CCDC7: variants seen among roughly 807,000 people sequenced by gnomAD.
The protein encoded by CCDC7 is coiled-coil domain containing 7, also known as coiled-coil domain-containing protein 7.
In CCDC7, 183 loss-of-function variants were observed where a neutral mutation model predicts 196.9. That is an observed-to-expected ratio of 0.93 (90% CI 0.82 to 1.05). CCDC7 has a LOEUF of 1.05. CCDC7 is among the 50% of genes least tolerant of loss of function. The pLI is 0.00. For missense variants in CCDC7, 1,540 were observed against 1,482.2 expected, an observed-to-expected ratio of 1.04 and a Z score of -0.64; for synonymous variants, 525 against 484.6, an observed-to-expected ratio of 1.08 and a Z score of -1.10.
chr10:32,450,650 C>G (rs531634714), upstream of CCDC7, among the ~76,000 whole-genome samples: 1 of 152,088 alleles, frequency 6.6e-6, no homozygotes, highest in Non-Finnish European at 1.5e-5. Flanking sequence ...AATAAAAGCC[C>G]AAGACCTATC....
chr10:32,668,697 A>G (rs1029270683), intron 21 of CCDC7, among the ~76,000 whole-genome samples: 1 of 152,120 alleles, frequency 6.6e-6, no homozygotes, highest in Non-Finnish European at 1.5e-5. Flanking sequence ...ATGTTGAACC[A>G]GCCTTGCATC....
chr10:32,805,027 A>G (rs1020139855), exon 30 of CCDC7: 3 of 1,609,694 alleles, frequency 1.9e-6, no homozygotes, highest in Non-Finnish European at 2.6e-6. Context: ...ACTGATATAG[A>G]AAGCTTGAGA....
chr10:32,514,305 A>G (rs2046696542), intron 9 of CCDC7: 1 of 152,250 alleles, frequency 6.6e-6, no homozygotes, highest in Admixed American at 6.5e-5. Context: ...AGATGAGGTC[A>G]TACTGGAGTA....
chr10:32,798,463 G>A (rs561443152), intron 29 of CCDC7, among the ~76,000 whole-genome samples: 1 of 152,178 alleles, frequency 6.6e-6, no homozygotes, highest in Non-Finnish European at 1.5e-5. Flanking sequence ...CACAGAACGG[G>A]TCATCCTCTC....
At chr10:32,614,048 T>C (rs1180230055) in intron 18 of CCDC7, among the ~76,000 whole-genome samples, 3 of 152,206 alleles carry the variant, frequency 2.0e-5, no homozygotes, top group Admixed American at 6.5e-5. Context: ...TCTAAGTCTC[T>C]TTGTAGGCCT....
At chr10:32,481,047 ATT>A (rs1416621044) in intron 8 of CCDC7, among the ~76,000 whole-genome samples, 1 of 151,988 alleles carries the variant, frequency 6.6e-6, no homozygotes, top group African/African-American at 2.4e-5. Flanking sequence ...GTGTGTATAT[ATT>A]TGTTATATTC....
intron 18 of CCDC7, among the ~76,000 whole-genome samples, chr10:32,608,880 G>T (rs1272607181): frequency 7.2e-5 from 11 of 152,106 alleles, no homozygotes. Context: ...TGATCCAGTG[G>T]TTGTTCAGGA....
intron 24 of CCDC7, among the ~76,000 whole-genome samples, chr10:32,695,895 C>T (rs890107094): frequency 9.9e-5 from 15 of 152,118 alleles, no homozygotes; most frequent in South Asian, 2.1e-4. Context: ...GACAGAACTA[C>T]GGCATGAGCC....
At chr10:32,636,219 C>T (rs2065610135) in intron 20 of CCDC7, among the ~76,000 whole-genome samples, 1 of 151,704 alleles carries the variant, frequency 6.6e-6, no homozygotes, top group Non-Finnish European at 1.5e-5. Context: ...TCATTTAGTT[C>T]TTTTTTTTAT....
chr10:32,678,057 G>A (rs2075304478), intron 21 of CCDC7, among the ~76,000 whole-genome samples: 1 of 151,742 alleles, frequency 6.6e-6, no homozygotes, highest in Non-Finnish European at 1.5e-5. Flanking sequence ...CTTTCTGTTG[G>A]TTTACATTTT....
chr10:32,611,864 G>A (rs187679011), intron 18 of CCDC7, among the ~76,000 whole-genome samples: 6 of 152,270 alleles, frequency 3.9e-5, no homozygotes, highest in African/African-American at 1.2e-4. Flanking sequence ...GATGCCTCTA[G>A]CTCTGATCTT....
intron 18 of CCDC7, among the ~76,000 whole-genome samples, chr10:32,630,351 T>C (rs895308063): frequency 2.0e-5 from 3 of 152,092 alleles, no homozygotes; most frequent in African/African-American, 7.2e-5. Context: ...TATATGCATA[T>C]ATATGTATGT....
intron 40 of CCDC7, among the ~76,000 whole-genome samples, chr10:32,852,710 A>G (rs1434482386): frequency 3.3e-5 from 5 of 152,318 alleles, no homozygotes; most frequent in African/African-American, 1.2e-4. Context: ...TAAAAAATCA[A>G]TAGGAAATGC....
At chr10:32,727,690 C>T (rs1289790302) in intron 26 of CCDC7, among the ~76,000 whole-genome samples, 1 of 152,032 alleles carries the variant, frequency 6.6e-6, no homozygotes, top group African/African-American at 2.4e-5. Flanking sequence ...TGCTTTTGTA[C>T]CAACCTAATA....
chr10:32,727,629 T>C (rs551596478), intron 26 of CCDC7, among the ~76,000 whole-genome samples: 1 of 152,218 alleles, frequency 6.6e-6, no homozygotes, highest in Non-Finnish European at 1.5e-5. Context: ...GGGCGCTTGA[T>C]TGCCATTTTA....
At chr10:32,653,249 G>T (rs2069110470) in intron 20 of CCDC7, among the ~76,000 whole-genome samples, 1 of 152,118 alleles carries the variant, frequency 6.6e-6, no homozygotes, top group African/African-American at 2.4e-5. Context: ...GATTCCCTTG[G>T]GGCTGGGGTG....
chr10:32,818,454 C>A (rs2089343954), intron 31 of CCDC7, among the ~76,000 whole-genome samples: 1 of 152,036 alleles, frequency 6.6e-6, no homozygotes, highest in East Asian at 1.9e-4. Context: ...ACAAGGATAT[C>A]CAGGAATTGA....
chr10:32,779,034 A>G (rs2080597460), exon 29 of CCDC7: 2 of 1,550,294 alleles, frequency 1.3e-6, no homozygotes, highest in East Asian at 4.9e-5. Flanking sequence ...CCAGCAATGT[A>G]CCCGTCAATT....
chr10:32,740,265 T>A (rs2085604781), intron 28 of CCDC7, among the ~76,000 whole-genome samples: 1 of 152,196 alleles, frequency 6.6e-6, no homozygotes, highest in Admixed American at 6.5e-5. Flanking sequence ...CCCTTGAGTG[T>A]AGTCTTTTGT....
Sources: gnomAD v4.1 joint callset for allele counts (sites outside exome capture counted in the v4.1 genomes callset) on GRCh38, gnomAD v4.1.1 for gene constraint, MANE v1.5 for transcripts, NCBI Gene and HGNC (gene_info 2026-07-23, HGNC 2026-07-21) for gene names.